Variants in PRKG1 observed in about 807,000 individuals in gnomAD.
PRKG1 encodes the protein protein kinase cGMP-dependent 1.
Under a neutral mutation model 88.1 loss-of-function variants are expected in PRKG1, and 35 were observed. That is an observed-to-expected ratio of 0.40 (90% CI 0.30 to 0.53). The LOEUF is 0.53. Ranked by LOEUF, PRKG1 falls within the 20% of genes least tolerant of loss-of-function variation. The pLI is 0.59. For synonymous variants in PRKG1, 303 were observed against 292.5 expected, an observed-to-expected ratio of 1.04 and a Z score of -0.37; for missense variants, 540 against 839.8, an observed-to-expected ratio of 0.64 and a Z score of 4.41.
At chr10:51,949,936 C>T (rs764437329) in intron 5 of PRKG1, among the ~76,000 whole-genome samples, 16 of 152,168 alleles carry the variant, frequency 1.1e-4, no homozygotes, top group East Asian at 1.9e-4. Context: ...GTCCAAGGAG[C>T]GCTTGGGTGA....
intron 3 of PRKG1, among the ~76,000 whole-genome samples, chr10:51,469,142 C>A: frequency 6.6e-6 from 1 of 151,786 alleles, no homozygotes; most frequent in Non-Finnish European, 1.5e-5. Flanking sequence ...TTTTAACTTA[C>A]TTAAAAAGAA....
intron 3 of PRKG1, among the ~76,000 whole-genome samples, chr10:51,712,974 GGTTTT>G (rs956563100): frequency 2.7e-5 from 3 of 109,976 alleles, no homozygotes; most frequent in Non-Finnish European, 4.1e-5. Flanking sequence ...ACTCTATGAG[GGTTTT>G]TTTTTTTGAT....
intron 14 of PRKG1, among the ~76,000 whole-genome samples, chr10:52,286,562 A>T (rs1451803174): frequency 6.6e-6 from 1 of 152,090 alleles, no homozygotes; most frequent in Non-Finnish European, 1.5e-5. Context: ...TAAATATTGT[A>T]GTCTTTGGCA....
intron 3 of PRKG1, among the ~76,000 whole-genome samples, chr10:51,692,901 C>T (rs575219441): frequency 1.3e-5 from 2 of 152,156 alleles, no homozygotes; most frequent in South Asian, 4.1e-4. Flanking sequence ...TTGTAATTAG[C>T]TACGTACTTT....
rs150794810 is a variant in PRKG1, at chr10:51,124,592, G to A, written c.312-28572G>A. On this transcript the variant is annotated intron_variant, in intron 1 of 17. Coordinates refer to ENST00000373980, the MANE Select transcript of PRKG1 (RefSeq NM_006258.4). Reference sequence around the variant, plus strand: ...TTTTGTTCTAATTTGCTGATGTGTAGTTGTGTCTTCATTGGAAGCAGTCAT... The same window carrying A: ...TTTTGTTCTAATTTGCTGATGTGTAATTGTGTCTTCATTGGAAGCAGTCAT... Among the ~76,000 whole-genome samples the A allele has an allele frequency of 2.7e-3, 410 of 152,264 alleles. 4 individuals carry two copies. The highest frequency in any genetic ancestry group is 9.2e-3 in the African/African-American group (382 of 41,562).
chr10:51,435,375 G>C (rs1187246544), intron 2 of PRKG1, among the ~76,000 whole-genome samples: 1 of 150,408 alleles, frequency 6.6e-6, no homozygotes, highest in Non-Finnish European at 1.5e-5. Context: ...TGAACTCCTG[G>C]CCTTGACTTG....
chr10:51,683,809 G>A (rs1287172380), intron 3 of PRKG1, among the ~76,000 whole-genome samples: 1 of 152,156 alleles, frequency 6.6e-6, no homozygotes, highest in Non-Finnish European at 1.5e-5. Context: ...ATCTGGGCAT[G>A]CTCAACCTGG....
chr10:51,808,462 G>A (rs1839365210), intron 4 of PRKG1, among the ~76,000 whole-genome samples: 1 of 152,002 alleles, frequency 6.6e-6, no homozygotes, highest in South Asian at 2.1e-4. Flanking sequence ...AAATTACCAG[G>A]TGCAGTGGCA....
chr10:52,209,536 G>A (rs1839906245), intron 9 of PRKG1, among the ~76,000 whole-genome samples: 1 of 152,132 alleles, frequency 6.6e-6, no homozygotes, highest in African/African-American at 2.4e-5. Context: ...ATGAGCAGGT[G>A]AAGAGGAGAG....
intron 3 of PRKG1, among the ~76,000 whole-genome samples, chr10:51,614,215 G>A (rs115737984): frequency 0.039 from 5,932 of 151,882 alleles, 167 homozygotes; most frequent in Middle Eastern, 0.088. Flanking sequence ...CCTCTTGGAA[G>A]ACTGATCTCT....
At chr10:51,806,917 C>G (rs756886413) in intron 4 of PRKG1, among the ~76,000 whole-genome samples, 63 of 152,170 alleles carry the variant, frequency 4.1e-4, no homozygotes, top group Non-Finnish European at 8.1e-4. Flanking sequence ...TGTCAATGTT[C>G]AAATTCTTCT....
chr10:51,378,263 A>G (rs1419567547), intron 2 of PRKG1, among the ~76,000 whole-genome samples: 1 of 152,226 alleles, frequency 6.6e-6, no homozygotes, highest in Admixed American at 6.5e-5. Flanking sequence ...CAGGAGCACT[A>G]AGCTTCTATT....
chr10:51,518,833 A>T (rs1383322591), intron 3 of PRKG1, among the ~76,000 whole-genome samples: 2 of 152,238 alleles, frequency 1.3e-5, no homozygotes, highest in African/African-American at 4.8e-5. Flanking sequence ...AAGGCTGGTC[A>T]AGAATGACTG....
intron 12 of PRKG1, among the ~76,000 whole-genome samples, chr10:52,273,521 A>G (rs983275558): frequency 6.6e-6 from 1 of 152,038 alleles, no homozygotes; most frequent in Non-Finnish European, 1.5e-5. Context: ...GTGGTTCCTT[A>G]TGAACTGTTG....
intron 2 of PRKG1, among the ~76,000 whole-genome samples, chr10:51,186,955 TA>T (rs1589228659): frequency 0.013 from 267 of 21,196 alleles, 1 homozygote; most frequent in Admixed American, 0.033. Context: ...GGCCCTGTGT[TA>T]TATATATATA....
At chr10:51,231,945 T>C (rs1441409623) in intron 2 of PRKG1, among the ~76,000 whole-genome samples, 2 of 152,232 alleles carry the variant, frequency 1.3e-5, no homozygotes, top group Non-Finnish European at 2.9e-5. Flanking sequence ...GTGAGGTCAT[T>C]GAATACCAGT....
At chr10:51,528,096 A>T (rs563471981) in intron 3 of PRKG1, among the ~76,000 whole-genome samples, 1 of 152,308 alleles carries the variant, frequency 6.6e-6, no homozygotes, top group African/African-American at 2.4e-5. Context: ...TTCTAAGCTC[A>T]TGGGAGCAAA....
At chr10:51,392,151 A>G (rs61849771) in intron 2 of PRKG1, among the ~76,000 whole-genome samples, 5 of 149,878 alleles carry the variant, frequency 3.3e-5, no homozygotes, top group Admixed American at 6.6e-5. Flanking sequence ...TTTTTTTTTA[A>G]TTGATCATTC....
chr10:51,575,667 G>A (rs1252272007), intron 3 of PRKG1, among the ~76,000 whole-genome samples: 1 of 151,774 alleles, frequency 6.6e-6, no homozygotes, highest in Non-Finnish European at 1.5e-5. Context: ...TTATATACAT[G>A]TGTATAACTG....
Sources: allele counts gnomAD v4.1 joint callset (sites outside exome capture counted in the v4.1 genomes callset), GRCh38; gene constraint gnomAD v4.1.1; transcripts MANE v1.5; gene names NCBI Gene and HGNC (gene_info 2026-07-23, HGNC 2026-07-21).